SRCAP: variants seen among roughly 807,000 people sequenced by gnomAD.
SRCAP encodes Snf2 related CREBBP activator protein.
SRCAP carries 46 observed loss-of-function variants against 263.1 expected under a neutral mutation model. That is an observed-to-expected ratio of 0.17 (90% CI 0.14 to 0.22). SRCAP has a LOEUF of 0.22. Among genes scored for constraint, SRCAP ranks in the 10% least tolerant of loss-of-function variants. SRCAP has a pLI of 1.00. For synonymous variants in SRCAP, 1,813 were observed against 1,662.1 expected, an observed-to-expected ratio of 1.09 and a Z score of -2.21; for missense variants, 3,695 against 4,181.9, an observed-to-expected ratio of 0.88 and a Z score of 3.21.
intron 27 of SRCAP, among the ~76,000 whole-genome samples, chr16:30,732,268 A>G (rs995987545): frequency 1.3e-5 from 2 of 152,168 alleles, no homozygotes; most frequent in Admixed American, 6.5e-5. Context: ...CCTGACCAAC[A>G]TGGAGAAACC....
chr16:30,738,637 A>G lies in SRCAP; in HGVS notation c.8597A>G (p.Lys2866Arg), dbSNP rs1315991410. ...CGTCGGAGGGGGAGGCCCCCCAAGA[A>G]GAACAGGTCTCCAGCAGATGCTGGG... is the stretch of plus-strand genomic sequence containing the variant. The part of the protein sequence containing the change: ...VKRRRGRPPK[K>R]NRSPADAGRG... The change falls in exon 34 of 34, where the codon AAG becomes AGG. Residue 2866 changes from lysine (K) to arginine (R), a missense_variant. Transcript: ENST00000262518. The G allele has an allele frequency of 6.2e-7, 1 of 1,607,576 alleles. No homozygotes were observed. Among genetic ancestry groups the G allele is most frequent in the East Asian group, 2.2e-5 (1 of 44,804 alleles).
rs1228777376 is a variant in SRCAP at position 30,712,051 on chromosome 16, C to G, written c.1709C>G (p.Pro570Arg). 6.2e-7 allele frequency: 1 copy of G among 1,614,002 alleles called. No individual in the cohort carries two copies. The highest frequency in any genetic ancestry group is 1.7e-5 in the Admixed American group (1 of 59,992). The change falls in exon 12 of 34, where the codon CCT (proline) becomes CGT (arginine). Residue 570 changes from proline (P) to arginine (R), a missense_variant. This residue lies in a region of SRCAP where 288 missense variants were observed against 302.4 expected (regional missense o/e 0.95). Transcript: ENST00000262518. Reference protein sequence around the residue: ...EQSEADAGSGPPTPGPTTLGP... With the variant: ...EQSEADAGSGRPTPGPTTLGP... ...AGTGAGGCAGATGCAGGCAGTGGGC[C>G]TCCTACTCCAGGGCCCACTACTCTA...
chr16:30,716,325 T>C lies in SRCAP; in HGVS notation c.2663T>C (p.Met888Thr), dbSNP rs1249839185. Residue 888 changes from methionine to threonine, a missense_variant, in exon 18 of 34, where the codon ATG becomes ACG. Coordinates refer to ENST00000262518, the MANE Select transcript of SRCAP (RefSeq NM_006662.3). ...TKETLATGHF[M>T]SVINILMQLR... ...GAGACACTAGCCACAGGCCATTTCA[T>C]GAGCGTCATCAACATTTTGATGCAG... The C allele has an allele frequency of 1.2e-6, 2 of 1,614,188 alleles. No homozygotes were observed. The highest frequency in any genetic ancestry group is 1.7e-6 in the Non-Finnish European group (2 of 1,180,042).
chr16:30,701,090 A>G (rs2052761173), intron 3 of SRCAP, among the ~76,000 whole-genome samples: 1 of 152,186 alleles, frequency 6.6e-6, no homozygotes, highest in Non-Finnish European at 1.5e-5. Context: ...GCGCCTCGTT[A>G]CCTGAAAAAG....
Position 30,730,239 on chromosome 16 carries a change from T to C in SRCAP, c.6127+667T>C, listed in dbSNP as rs1282946844. ...GAAAAGATGTCTGGTGGTACAAGAC[T>C]GCACAGTAAGTAAACAGTAAATTTT... On this transcript the variant is annotated intron_variant, in intron 27 of 33. Coordinates refer to ENST00000262518, the MANE Select transcript of SRCAP (RefSeq NM_006662.3). 2.6e-5 allele frequency among the ~76,000 whole-genome samples: 4 copies of C among 152,242 alleles called. No homozygotes were observed. The East Asian group carries it at 7.7e-4, about 29-fold the overall frequency.
In SRCAP at chr16:30,739,184, G is replaced by C. The variant is rs766539893; in HGVS notation, c.9144G>C (p.Gly3048=). ...LGRRRQPQGQ[G]ESEGSSSDED... Reference sequence around the variant, plus strand: ...GGCGACGGCAACCCCAGGGCCAAGGGGAGAGTGAGGGTAGTTCCTCTGATG... The same window carrying C: ...GGCGACGGCAACCCCAGGGCCAAGGCGAGAGTGAGGGTAGTTCCTCTGATG... The change falls in exon 34 of 34, where the codon GGG becomes GGC. Residue 3048 remains glycine, a synonymous_variant. Coordinates refer to ENST00000262518, the MANE Select transcript of SRCAP (RefSeq NM_006662.3). The C allele has an allele frequency of 6.2e-7, 1 of 1,613,886 alleles. No individual in the cohort carries two copies. Among genetic ancestry groups the C allele is most frequent in the Non-Finnish European group, 8.5e-7 (1 of 1,180,020 alleles).
Position 30,724,681 on chromosome 16 carries a change from C to G in SRCAP, c.5257C>G (p.Pro1753Ala), listed in dbSNP as rs141977752. ...TQTLSLAPAP[P>A]LAPASPVGPA... ...GACGCTGTCTCTGGCTCCAGCACCCCCTCTGGCTCCAGCTTCTCCAGTGGG... is the reference window on the plus strand; with the variant it reads ...GACGCTGTCTCTGGCTCCAGCACCCGCTCTGGCTCCAGCTTCTCCAGTGGG... The change falls in exon 25 of 34, where the codon CCT becomes GCT. Residue 1753 changes from proline (P) to alanine (A), a missense_variant. Around this residue, in one of 12 missense-constraint regions of SRCAP, gnomAD observed 1,347 missense variants for 1,304.4 expected, o/e 1.03. Coordinates refer to ENST00000262518, the MANE Select transcript of SRCAP (RefSeq NM_006662.3). 6.8e-5 allele frequency: 109 copies of G among 1,614,162 alleles called. No homozygotes were observed. The African/African-American group carries it at 1.0e-3, about 15-fold the overall frequency.
chr16:30,706,372 G>A (rs1246325976), intron 4 of SRCAP, among the ~76,000 whole-genome samples: 1 of 152,132 alleles, frequency 6.6e-6, no homozygotes, highest in East Asian at 1.9e-4. Context: ...TGAGTTGGGA[G>A]GCTGAGTTGG....
chr16:30,719,474 A>G lies in SRCAP; in HGVS notation c.2818-688A>G, dbSNP rs376476480. On this transcript the variant is annotated intron_variant, in intron 18 of 33. Transcript: ENST00000262518. ...TCGTGATCCACCCGCCTCGGCCTCCAGAAGTGCTGGGATTACAGGCGTGAG... is the reference window on the plus strand; with the variant it reads ...TCGTGATCCACCCGCCTCGGCCTCCGGAAGTGCTGGGATTACAGGCGTGAG... Among the ~76,000 whole-genome samples, 11 of 150,696 alleles carry G rather than the reference A, an allele frequency of 7.3e-5. No homozygotes were observed. The East Asian group carries it at 1.4e-3, about 19-fold the overall frequency.
rs150246733 is a variant in SRCAP, at chr16:30,722,724, A to G, written c.3868A>G (p.Ser1290Gly). The change falls in exon 23 of 34, where the codon AGC (serine) becomes GGC (glycine). Residue 1290 changes from serine to glycine, a missense_variant. Ser to Gly is a moderately conservative substitution (Grantham distance 56). Transcript: ENST00000262518. The stretch of plus-strand genomic sequence containing the variant: ...CACCACCCCTGCCCCTACTGGCCTC[A>G]GCCTTCCGCTTGCTGCTAACCAGGG... Reference protein sequence around the residue: ...PSTTPAPTGLSLPLAANQVPP... With the variant: ...PSTTPAPTGLGLPLAANQVPP... The G allele has an allele frequency of 7.8e-4, 1,260 of 1,612,270 alleles. 7 individuals carry two copies. In the Middle Eastern group the frequency reaches 0.012, roughly 16 times the overall value.
intron 18 of SRCAP, among the ~76,000 whole-genome samples, chr16:30,716,961 ATTTAC>A (rs761084619): frequency 3.3e-5 from 5 of 152,102 alleles, no homozygotes; most frequent in African/African-American, 4.8e-5. Flanking sequence ...TATTTTGGGT[ATTTAC>A]TTAACAGTGA....
At chr16:30,714,283 C>A (rs942906481) in intron 16 of SRCAP, among the ~76,000 whole-genome samples, 1 of 151,720 alleles carries the variant, frequency 6.6e-6, no homozygotes, top group Non-Finnish European at 1.5e-5. Flanking sequence ...CCAGGATGGT[C>A]TCCATCTCCT....
At chr16:30,702,072 G>A (rs2052773019) in intron 3 of SRCAP, among the ~76,000 whole-genome samples, 1 of 151,638 alleles carries the variant, frequency 6.6e-6, no homozygotes, top group Admixed American at 6.6e-5. Context: ...TTCTGCCTCA[G>A]CCTCCTGAGT....
chr16:30,700,994 C>T (rs958696176), intron 3 of SRCAP, 116 bp downstream of exon 3: 29 of 1,023,378 alleles, frequency 2.8e-5, no homozygotes, highest in East Asian at 5.2e-5. Context: ...CTTTGGTGCT[C>T]GGGGGCTGGG....
At chr16:30,722,101 T>C (rs747788693) in intron 21 of SRCAP, 21 bp from the exon 22 acceptor site, 2 of 1,608,120 alleles carry the variant, frequency 1.2e-6, no homozygotes, top group Non-Finnish European at 1.7e-6. Context: ...TTGTGTACAA[T>C]AAGGCCTTCT....
chr16:30,716,308 A>G lies in SRCAP; in HGVS notation c.2646A>G (p.Leu882=), dbSNP rs755157540. ...CTTTCCCCAGAACTAAGGAGACACT[A>G]GCCACAGGCCATTTCATGAGCGTCA... ...FMAQTTTKET[L]ATGHFMSVIN... The change falls in exon 18 of 34, where the codon CTA becomes CTG. Residue 882 remains leucine (L), a synonymous_variant. Coordinates refer to ENST00000262518, the MANE Select transcript of SRCAP (RefSeq NM_006662.3). 6.2e-7 allele frequency: 1 copy of G among 1,614,058 alleles called. No homozygotes were observed. Among genetic ancestry groups the G allele is most frequent in the Non-Finnish European group, 8.5e-7 (1 of 1,180,056 alleles).
intron 20 of SRCAP, 90 bp from the exon 21 acceptor site, chr16:30,721,099 G>A: frequency 1.3e-6 from 2 of 1,536,542 alleles, no homozygotes; most frequent in East Asian, 4.5e-5. Context: ...TCTAGTATTT[G>A]ATGGGTTGGA....
At position 30,724,993 on chromosome 16, in the gene SRCAP, C is replaced by G; in HGVS notation, c.5569C>G (p.Pro1857Ala). The change falls in exon 25 of 34, where the codon CCC (proline) becomes GCC (alanine). Residue 1857 changes from proline (P) to alanine (A), a missense_variant. Physicochemically the swap from Pro to Ala is conservative, Grantham distance 27. Transcript: ENST00000262518. ...EPDTLTLRSG[P>A]PSPPSTATSF... Reference sequence around the variant, plus strand: ...TGACACACTGACATTGCGCTCTGGTCCCCCCAGCCCTCCCTCCACTGCTAC... The same window carrying G: ...TGACACACTGACATTGCGCTCTGGTGCCCCCAGCCCTCCCTCCACTGCTAC... The G allele has an allele frequency of 6.2e-7, 1 of 1,614,002 alleles. No individual in the cohort carries two copies. The highest frequency in any genetic ancestry group is 8.5e-7 in the Non-Finnish European group (1 of 1,179,972).
At chr16:30,712,921 T>A (rs532878572) in intron 14 of SRCAP, 106 bp downstream of exon 14, 1,388 of 1,380,878 alleles carry the variant, frequency 1.0e-3, no homozygotes, top group African/African-American at 1.8e-3. Flanking sequence ...TTAAAAAAAA[T>A]TTTTTAATTT....
Sources: allele counts gnomAD v4.1 joint callset (sites outside exome capture counted in the v4.1 genomes callset), GRCh38; gene constraint gnomAD v4.1.1; regional missense constraint gnomAD v4.1.1; transcripts MANE v1.5; gene names NCBI Gene and HGNC (gene_info 2026-07-23, HGNC 2026-07-21).